Variants in CADM2 observed in about 807,000 individuals in gnomAD.
CADM2 encodes immunoglobulin superfamily member 4D.
CADM2 carries 12 observed loss-of-function variants against 49.8 expected under a neutral mutation model. That is an observed-to-expected ratio of 0.24 (90% CI 0.15 to 0.39). The LOEUF (loss-of-function observed/expected upper bound fraction) is 0.39, where lower values mean the gene tolerates loss of function less well. Ranked by LOEUF, CADM2 falls within the 10% of genes least tolerant of loss-of-function variation. CADM2 has a pLI of 1.00. For missense variants in CADM2, 378 were observed against 492.3 expected (o/e 0.77, Z 2.20); for synonymous variants, 214 against 175.4 (o/e 1.22, Z -1.74).
At chr3:85,337,838 T>C (rs985537470) in intron 1 of CADM2, among the ~76,000 whole-genome samples, 26 of 151,648 alleles carry the variant, frequency 1.7e-4, no homozygotes, top group Middle Eastern at 3.2e-3. Flanking sequence ...TCAAGATTTC[T>C]TTGTCTTATA....
chr3:85,924,517 A>G (rs1719571485), intron 6 of CADM2, among the ~76,000 whole-genome samples: 1 of 152,026 alleles, frequency 6.6e-6, no homozygotes, highest in African/African-American at 2.4e-5. Context: ...CCTTAAGCCC[A>G]GGAGTTTGAG....
chr3:85,285,783 AT>A (rs898296729), intron 1 of CADM2, among the ~76,000 whole-genome samples: 3 of 151,542 alleles, frequency 2.0e-5, no homozygotes, highest in African/African-American at 7.2e-5. Flanking sequence ...ATGTATTTAT[AT>A]TTTAATCTAA....
intron 1 of CADM2, among the ~76,000 whole-genome samples, chr3:85,113,405 A>C (rs1396096530): frequency 6.6e-6 from 1 of 152,144 alleles, no homozygotes; most frequent in African/African-American, 2.4e-5. Context: ...AATGCCTGAG[A>C]CCTAGTAGGC....
chr3:85,190,670 T>C (rs1229024547), intron 1 of CADM2, among the ~76,000 whole-genome samples: 1 of 152,102 alleles, frequency 6.6e-6, no homozygotes, highest in East Asian at 1.9e-4. Context: ...TAAGGAGCAG[T>C]AGAATAATAT....
intron 1 of CADM2, among the ~76,000 whole-genome samples, chr3:85,041,889 A>C (rs2035458031): frequency 6.6e-6 from 1 of 152,232 alleles, no homozygotes; most frequent in South Asian, 2.1e-4. Context: ...AAGAAAAAAA[A>C]GTCTTACAGT....
intron 1 of CADM2, among the ~76,000 whole-genome samples, chr3:85,390,898 A>C (rs1223942635): frequency 6.6e-6 from 1 of 152,084 alleles, no homozygotes; most frequent in South Asian, 2.1e-4. Flanking sequence ...CAGTGTTGCT[A>C]TATCCCTGGG....
chr3:86,067,071 G>A lies in CADM2; in HGVS notation c.*288G>A, dbSNP rs1461586934. 2 of 307,854 alleles carry A rather than the reference G, an allele frequency of 6.5e-6. No homozygotes were observed. The highest frequency in any genetic ancestry group is 2.2e-5 in the African/African-American group (1 of 46,020). The allele number at this position is 307,854 out of a possible 1,614,324, so 19.1% of individuals were successfully genotyped here. ...CTTAACAATGTTAATCATCTCCTTG[G>A]ATCATTATATTGAGTGGTTTTTATA... is the stretch of plus-strand genomic sequence containing the variant. On this transcript the variant is annotated 3_prime_UTR_variant, in exon 10 of 10. Transcript: ENST00000383699.
chr3:85,747,670 G>T (rs2068673631), intron 2 of CADM2, among the ~76,000 whole-genome samples: 1 of 152,036 alleles, frequency 6.6e-6, no homozygotes, highest in Non-Finnish European at 1.5e-5. Context: ...ATACAGTAAA[G>T]ACTATAAATG....
intron 1 of CADM2, among the ~76,000 whole-genome samples, chr3:85,577,538 T>G (rs183902339): frequency 3.3e-4 from 51 of 152,252 alleles, no homozygotes; most frequent in African/African-American, 1.2e-3. Context: ...ATAAGTTTAT[T>G]TCATTCAAAA....
intron 1 of CADM2, among the ~76,000 whole-genome samples, chr3:85,623,008 A>T (rs2107495828): frequency 6.6e-6 from 1 of 152,206 alleles, no homozygotes; most frequent in East Asian, 1.9e-4. Flanking sequence ...AGGCCAAGGC[A>T]AATTATGTAA....
At chr3:85,742,170 T>C (rs532955385) in intron 2 of CADM2, among the ~76,000 whole-genome samples, 2 of 152,348 alleles carry the variant, frequency 1.3e-5, no homozygotes, top group South Asian at 4.1e-4. Flanking sequence ...TATTTTCCTC[T>C]TTAGAGGCTT....
intron 1 of CADM2, among the ~76,000 whole-genome samples, chr3:85,234,290 G>C (rs538024537): frequency 6.6e-6 from 1 of 152,162 alleles, no homozygotes; most frequent in African/African-American, 2.4e-5. Flanking sequence ...GAGGTAAAAT[G>C]TATATAAATG....
chr3:85,339,199 TA>T (rs1351152306), intron 1 of CADM2, among the ~76,000 whole-genome samples: 1 of 151,392 alleles, frequency 6.6e-6, no homozygotes, highest in African/African-American at 2.4e-5. Context: ...TGGCACATAG[TA>T]AATATGCACC....
At chr3:86,057,960 C>A (rs943396219) in intron 8 of CADM2, among the ~76,000 whole-genome samples, 4 of 152,096 alleles carry the variant, frequency 2.6e-5, no homozygotes, top group Non-Finnish European at 5.9e-5. Context: ...AATTTTAAAG[C>A]TTTTCCAAGA....
intron 1 of CADM2, among the ~76,000 whole-genome samples, chr3:85,723,202 AG>A (rs2067569097): frequency 6.6e-6 from 1 of 152,140 alleles, no homozygotes; most frequent in South Asian, 2.1e-4. Flanking sequence ...CTCTGAAAAA[AG>A]TAGTATGAAT....
At chr3:85,545,090 GAC>G (rs996456149) in intron 1 of CADM2, among the ~76,000 whole-genome samples, 1 of 152,128 alleles carries the variant, frequency 6.6e-6, no homozygotes, top group African/African-American at 2.4e-5. Context: ...GTCTTTAAAA[GAC>G]ACAACGGAAG....
chr3:85,121,446 A>G (rs898238589), intron 1 of CADM2, among the ~76,000 whole-genome samples: 3 of 152,150 alleles, frequency 2.0e-5, no homozygotes, highest in African/African-American at 7.2e-5. Flanking sequence ...GACAATCACT[A>G]AGAGGCAGGA....
At chr3:84,984,820 T>G (rs2032454259) in intron 1 of CADM2, among the ~76,000 whole-genome samples, 1 of 152,194 alleles carries the variant, frequency 6.6e-6, no homozygotes, top group African/African-American at 2.4e-5. Context: ...CACACACATC[T>G]TAATATCACT....
intron 1 of CADM2, among the ~76,000 whole-genome samples, chr3:85,035,191 G>T (rs148366027): frequency 6.6e-6 from 1 of 152,090 alleles, no homozygotes; most frequent in East Asian, 1.9e-4. Context: ...GCACCTTTTC[G>T]TCTACCTGTT....
Sources: allele counts gnomAD v4.1 joint callset (sites outside exome capture counted in the v4.1 genomes callset), GRCh38; gene constraint gnomAD v4.1.1; transcripts MANE v1.5; gene names NCBI Gene and HGNC (gene_info 2026-07-23, HGNC 2026-07-21).